ZC3H7B: variants seen among roughly 807,000 people sequenced by gnomAD.
The protein encoded by ZC3H7B is zinc finger CCCH domain-containing protein 7B.
Under a neutral mutation model 116.0 loss-of-function variants are expected in ZC3H7B, and 35 were observed. The observed-to-expected ratio is 0.30, with a 90% CI of 0.23 to 0.40. The LOEUF (loss-of-function observed/expected upper bound fraction) is 0.40, where lower values mean the gene tolerates loss of function less well. Among genes scored for constraint, ZC3H7B ranks in the 10% least tolerant of loss-of-function variants. The pLI is 1.00. For missense variants in ZC3H7B, 1,011 were observed against 1,321.5 expected (o/e 0.77, Z 3.64); for synonymous variants, 502 against 545.6 (o/e 0.92, Z 1.11).
intron 1 of ZC3H7B, among the ~76,000 whole-genome samples, chr22:41,303,627 C>T (rs551236023): frequency 6.6e-6 from 1 of 152,282 alleles, no homozygotes; most frequent in African/African-American, 2.4e-5. Context: ...AACCTTAGGC[C>T]GAATTGTGTG....
In ZC3H7B at chr22:41,349,412, G is replaced by A. The variant is rs185998392; in HGVS notation, c.1948+111G>A. ...GGTGACAGGCCAGGGCCCCATGGTC[G>A]CTGGAGGGGGCTTCGGGAGAGTTCA... On this transcript the variant is annotated intron_variant, in intron 16 of 22. Coordinates refer to ENST00000352645, the MANE Select transcript of ZC3H7B (RefSeq NM_017590.6). This position sits in a 1 kb window ranked among gnomAD's most constrained non-coding sequence, Gnocchi z 4.9. 2.6e-5 allele frequency: 37 copies of A among 1,403,370 alleles called. No homozygotes were observed. Among genetic ancestry groups the A allele is most frequent in the South Asian group, 1.1e-4 (8 of 75,748 alleles). 86.9% of individuals were successfully genotyped at this position (1,403,370 alleles called of 1,614,324 possible).
intron 6 of ZC3H7B, among the ~76,000 whole-genome samples, chr22:41,331,317 G>A (rs1484211678): frequency 4.7e-5 from 7 of 150,400 alleles, no homozygotes; most frequent in African/African-American, 7.3e-5. Context: ...TTGGGAGGCC[G>A]CGGTGGGAGG....
At chr22:41,337,355 A>G (rs114227606) in intron 7 of ZC3H7B, among the ~76,000 whole-genome samples, 19 of 151,890 alleles carry the variant, frequency 1.3e-4, no homozygotes, top group African/African-American at 4.6e-4. Flanking sequence ...CCAAAACACA[A>G]AGCACTTCCT....
At position 41,351,561 on chromosome 22, in the gene ZC3H7B, G is replaced by A; in HGVS notation, c.1949G>A (p.Gly650Asp). The A allele has an allele frequency of 6.2e-7, 1 of 1,612,910 alleles. No individual in the cohort carries two copies. Among genetic ancestry groups the A allele is most frequent in the Non-Finnish European group, 8.5e-7 (1 of 1,179,518 alleles). The change falls in exon 17 of 23, where the codon GGC becomes GAC. Residue 650 changes from glycine (G) to aspartate (D), a missense_variant and splice_region_variant. Gly to Asp is a moderately conservative substitution (Grantham distance 94). Coordinates refer to ENST00000352645, the MANE Select transcript of ZC3H7B (RefSeq NM_017590.6). The surrounding 1 kb of genome is among the most constrained non-coding windows in gnomAD (Gnocchi z 5.1). ...CTGTGTCTGCCCCCACCCTCCCCAG[G>A]CATGACCCACGAAGACATCGTTCAG... The part of the protein sequence containing the change: ...LKVWLLQQYS[G>D]MTHEDIVQES...
At chr22:41,304,969 T>A (rs535702727) in intron 1 of ZC3H7B, among the ~76,000 whole-genome samples, 23 of 152,154 alleles carry the variant, frequency 1.5e-4, no homozygotes, top group Non-Finnish European at 2.1e-4. Flanking sequence ...CCCAGCACTT[T>A]GGGAAGCCAA....
chr22:41,357,218 G>T lies in ZC3H7B; in HGVS notation c.2723G>T (p.Arg908Leu). The part of the protein sequence containing the change: ...GKACPDGDKC[R>L]CAHGQEELNE... The stretch of plus-strand genomic sequence containing the variant: ...GCCTGCCCAGATGGGGACAAGTGCC[G>T]CTGCGCCCATGGACAGGAGGAGCTC... The change falls in exon 23 of 23, where the codon CGC becomes CTC. Residue 908 changes from arginine to leucine, a missense_variant. Arg to Leu is a moderately radical substitution (Grantham distance 102). Coordinates refer to ENST00000352645, the MANE Select transcript of ZC3H7B (RefSeq NM_017590.6). The surrounding 1 kb of genome is among the most constrained non-coding windows in gnomAD (Gnocchi z 5.4). The T allele has an allele frequency of 6.2e-7, 1 of 1,613,696 alleles. No individual in the cohort carries two copies. Among genetic ancestry groups the T allele is most frequent in the Non-Finnish European group, 8.5e-7 (1 of 1,179,984 alleles).
intron 7 of ZC3H7B, 85 bp downstream of exon 7, chr22:41,332,312 G>T: frequency 6.5e-7 from 1 of 1,550,054 alleles, no homozygotes; most frequent in Non-Finnish European, 8.9e-7. Flanking sequence ...AATGACCTCA[G>T]GCAGTGGGTC....
Position 41,357,925 on chromosome 22 carries a change from G to A in ZC3H7B, c.*496G>A, listed in dbSNP as rs1441143663. 2 of 176,850 alleles carry A rather than the reference G, an allele frequency of 1.1e-5. No individual in the cohort carries two copies. Among genetic ancestry groups the A allele is most frequent in the East Asian group, 2.8e-4 (2 of 7,150 alleles). The allele number at this position is 176,850 out of a possible 1,614,324, so 11.0% of individuals were successfully genotyped here. On this transcript the variant is annotated 3_prime_UTR_variant, in exon 23 of 23. Coordinates refer to ENST00000352645, the MANE Select transcript of ZC3H7B (RefSeq NM_017590.6). This position sits in a 1 kb window ranked among gnomAD's most constrained non-coding sequence, Gnocchi z 5.4. Reference sequence around the variant, plus strand: ...AAAATGTAGCCCCAGGTTGGAGCTGGGAACACTGTACTGGCCACTTACCCT... The same window carrying A: ...AAAATGTAGCCCCAGGTTGGAGCTGAGAACACTGTACTGGCCACTTACCCT...
intron 1 of ZC3H7B, among the ~76,000 whole-genome samples, chr22:41,306,858 G>A (rs1466823509): frequency 1.3e-5 from 2 of 152,128 alleles, no homozygotes; most frequent in African/African-American, 4.8e-5. Context: ...GGAGACCTGA[G>A]GTTATTCAGA....
At chr22:41,343,393 T>C (rs1601788827) in intron 12 of ZC3H7B, 22 bp from the exon 13 acceptor site, 2 of 1,593,192 alleles carry the variant, frequency 1.3e-6, no homozygotes, top group South Asian at 1.1e-5. Flanking sequence ...GGAATTATCA[T>C]GTGTGTCCAC....
rs2036630884 is a variant in ZC3H7B at position 41,349,509 on chromosome 22, G to C, written c.1948+208G>C. Among the ~76,000 whole-genome samples the C allele has an allele frequency of 6.6e-6, 1 of 152,138 alleles. No homozygotes were observed. Among genetic ancestry groups the C allele is most frequent in the South Asian group, 2.1e-4 (1 of 4,832 alleles). On this transcript the variant is annotated intron_variant, in intron 16 of 22. Transcript: ENST00000352645. The surrounding 1 kb of genome is among the most constrained non-coding windows in gnomAD (Gnocchi z 4.9). ...AGAGGAGAGAAGCTCTGCTCTCAGGGCGCTTCCAGGCTCGGAGATCTGGGT... is the reference window on the plus strand; with the variant it reads ...AGAGGAGAGAAGCTCTGCTCTCAGGCCGCTTCCAGGCTCGGAGATCTGGGT...
At chr22:41,335,616 G>T (rs542143830) in intron 7 of ZC3H7B, 56 of 152,458 alleles carry the variant, frequency 3.7e-4, no homozygotes, top group Non-Finnish European at 1.5e-5. Flanking sequence ...GCAGCTCTGT[G>T]ATCCAGCGTG....
At position 41,346,215 on chromosome 22, in the gene ZC3H7B, C is replaced by T. The variant is rs774694180; in HGVS notation, c.1665+7C>T. 3 of 1,607,358 alleles carry T rather than the reference C, an allele frequency of 1.9e-6. No homozygotes were observed. Among genetic ancestry groups the T allele is most frequent in the South Asian group, 2.2e-5 (2 of 91,036 alleles). ...CTTCACCTTCCTCTGCGAGGTACTG[C>T]CCACCCACCCACTGCCACCCCATAG... On this transcript the variant is annotated splice_region_variant and intron_variant, in intron 14 of 22. Transcript: ENST00000352645. The surrounding 1 kb of genome is among the most constrained non-coding windows in gnomAD (Gnocchi z 5.3).
chr22:41,358,149 G>A lies in ZC3H7B; in HGVS notation c.*720G>A, dbSNP rs529404165. 2 of 152,578 alleles carry A rather than the reference G, an allele frequency of 1.3e-5. No homozygotes were observed. Among genetic ancestry groups the A allele is most frequent in the African/African-American group, 4.8e-5 (2 of 41,568 alleles). The allele number at this position is 152,578 out of a possible 1,614,324, so 9.5% of individuals were successfully genotyped here. On this transcript the variant is annotated 3_prime_UTR_variant, in exon 23 of 23. Transcript: ENST00000352645. The stretch of plus-strand genomic sequence containing the variant: ...CCCATTTTGCAGAGAGGAAAACTGA[G>A]GCCTAGAAGGGAGGAGTGGTCCACC...
chr22:41,323,038 A>T (rs753020073), intron 2 of ZC3H7B, among the ~76,000 whole-genome samples: 30 of 152,216 alleles, frequency 2.0e-4, no homozygotes, highest in Non-Finnish European at 1.9e-4. Context: ...TTGACACAAC[A>T]CATTCTCCTT....
At chr22:41,344,264 C>A (rs555552865) in intron 13 of ZC3H7B, among the ~76,000 whole-genome samples, 2 of 152,314 alleles carry the variant, frequency 1.3e-5, no homozygotes, top group South Asian at 4.1e-4. Context: ...CAACCTGGCC[C>A]CTAGCAGTGG....
Position 41,356,034 on chromosome 22 carries a change from C to T in ZC3H7B, c.2355C>T (p.Asp785=). ...TCGCACACAGCCCGGAGGAGAGGGACATGTGGACCTTCATGAAGGAGAACA... is the reference window on the plus strand; with the variant it reads ...TCGCACACAGCCCGGAGGAGAGGGATATGTGGACCTTCATGAAGGAGAACA... ...CSFAHSPEER[D]MWTFMKENKI... The change falls in exon 20 of 23, where the codon GAC becomes GAT. Residue 785 remains aspartate, a synonymous_variant. Coordinates refer to ENST00000352645, the MANE Select transcript of ZC3H7B (RefSeq NM_017590.6). 1 of 1,566,836 alleles carries T rather than the reference C, an allele frequency of 6.4e-7. No individual in the cohort carries two copies. Among genetic ancestry groups the T allele is most frequent in the South Asian group, 1.2e-5 (1 of 83,634 alleles).
intron 1 of ZC3H7B, among the ~76,000 whole-genome samples, chr22:41,306,992 G>C (rs1294571282): frequency 1.8e-5 from 1 of 56,976 alleles, no homozygotes; most frequent in Non-Finnish European, 3.9e-5. Flanking sequence ...TTTTTTTTTT[G>C]AGACAGAGTC....
At chr22:41,332,127 T>C in intron 6 of ZC3H7B, 44 bp from the exon 7 acceptor site, 1 of 1,610,754 alleles carries the variant, frequency 6.2e-7, no homozygotes, top group Non-Finnish European at 8.5e-7. Flanking sequence ...TGAGCATCTT[T>C]TCAGAATCTT....
Sources: allele counts gnomAD v4.1 joint callset (sites outside exome capture counted in the v4.1 genomes callset), GRCh38; gene constraint gnomAD v4.1.1; non-coding constraint Gnocchi (gnomAD v3.1); transcripts MANE v1.5; gene names NCBI Gene and HGNC (gene_info 2026-07-23, HGNC 2026-07-21).